Variants in RFTN1 observed in about 807,000 individuals in gnomAD.
RFTN1 encodes raftlin.
In RFTN1, 26 loss-of-function variants were observed where a neutral mutation model predicts 46.5. That is an observed-to-expected ratio of 0.56 (90% CI 0.41 to 0.78). The LOEUF (loss-of-function observed/expected upper bound fraction) is 0.78. RFTN1 is among the 30% of genes least tolerant of loss of function. The pLI, the probability that RFTN1 is intolerant of heterozygous loss-of-function variation, is 0.00. For synonymous variants in RFTN1, 261 were observed against 284.2 expected, an observed-to-expected ratio of 0.92 and a Z score of 0.82; for missense variants, 693 against 718.7, an observed-to-expected ratio of 0.96 and a Z score of 0.41.
rs1397851168 is a variant in RFTN1, at chr3:16,452,637, C to A, written c.146-18600G>T. Among the ~76,000 whole-genome samples, 1 of 152,130 alleles carries A rather than the reference C, an allele frequency of 6.6e-6. No individual in the cohort carries two copies. Among genetic ancestry groups the A allele is most frequent in the Non-Finnish European group, 1.5e-5 (1 of 68,026 alleles). The stretch of plus-strand genomic sequence containing the variant: ...AAAATAATTCCCTGTTCCAACCAAC[C>A]TTTTTGATTTACTGACCAATTATGG... On this transcript the variant is annotated intron_variant, in intron 2 of 9. Coordinates refer to ENST00000334133, the MANE Select transcript of RFTN1 (RefSeq NM_015150.2). The surrounding 1 kb of genome is among the most constrained non-coding windows in gnomAD (Gnocchi z 6.3).
chr3:16,494,616 A>G (rs954403923), intron 1 of RFTN1, among the ~76,000 whole-genome samples: 7 of 152,238 alleles, frequency 4.6e-5, no homozygotes, highest in Admixed American at 4.6e-4. Flanking sequence ...CCAGTTTGAA[A>G]AGAAAATAAA....
In RFTN1 at chr3:16,384,494, G is replaced by A. The variant is rs761919654; in HGVS notation, c.442-6392C>T. 1.1e-4 allele frequency among the ~76,000 whole-genome samples: 16 copies of A among 152,162 alleles called. No individual in the cohort carries two copies. The highest frequency in any genetic ancestry group is 2.4e-4 in the Non-Finnish European group (16 of 68,030). On this transcript the variant is annotated intron_variant, in intron 4 of 9. Transcript: ENST00000334133. This position sits in a 1 kb window ranked among gnomAD's most constrained non-coding sequence, Gnocchi z 4.7. The stretch of plus-strand genomic sequence containing the variant: ...TACGTGAGAGGCTGAAGTGTGGCAG[G>A]GAGGCTTTCAGCCATCACTGTTGCC...
intron 2 of RFTN1, among the ~76,000 whole-genome samples, chr3:16,445,373 C>T (rs2075706586): frequency 6.6e-6 from 1 of 151,466 alleles, no homozygotes; most frequent in Non-Finnish European, 1.5e-5. Context: ...GGATGAGTCC[C>T]CCTCCCTCAT....
intron 4 of RFTN1, among the ~76,000 whole-genome samples, chr3:16,398,993 A>G (rs1479748889): frequency 6.6e-6 from 1 of 152,242 alleles, no homozygotes; most frequent in African/African-American, 2.4e-5. Flanking sequence ...GGCTGTCCAC[A>G]GAGCTAACAA....
intron 1 of RFTN1, among the ~76,000 whole-genome samples, chr3:16,508,275 C>T (rs908102850): frequency 6.6e-6 from 1 of 152,186 alleles, no homozygotes; most frequent in African/African-American, 2.4e-5. Flanking sequence ...CCATCAATCC[C>T]TGCACCCCGG....
At chr3:16,495,390 A>G (rs1226232804) in intron 1 of RFTN1, among the ~76,000 whole-genome samples, 1 of 152,268 alleles carries the variant, frequency 6.6e-6, no homozygotes, top group African/African-American at 2.4e-5. Flanking sequence ...CAAAGAGCCC[A>G]AAGGCTCGCC....
At chr3:16,318,861 C>G (rs2068726155) in intron 9 of RFTN1, among the ~76,000 whole-genome samples, 1 of 152,204 alleles carries the variant, frequency 6.6e-6, no homozygotes, top group African/African-American at 2.4e-5. Context: ...GGAGCTTCTT[C>G]CACCCAAACT....
At chr3:16,406,683 A>C (rs2074865786) in intron 4 of RFTN1, among the ~76,000 whole-genome samples, 1 of 152,252 alleles carries the variant, frequency 6.6e-6, no homozygotes, top group East Asian at 1.9e-4. Flanking sequence ...TGTTGTCAAT[A>C]GGTTCTTGGA....
chr3:16,336,693 A>G lies in RFTN1; in HGVS notation c.1147-9817T>C, dbSNP rs766654435. ...TTTTTTTTAAAAAAGCTTAGTTCTT[A>G]GATGCAGAAAAGGGTCAGAGGAAAA... On this transcript the variant is annotated intron_variant, in intron 7 of 9. Coordinates refer to ENST00000334133, the MANE Select transcript of RFTN1 (RefSeq NM_015150.2). This position sits in a 1 kb window ranked among gnomAD's most constrained non-coding sequence, Gnocchi z 6.0. 1.3e-5 allele frequency among the ~76,000 whole-genome samples: 2 copies of G among 152,080 alleles called. No homozygotes were observed. The highest frequency in any genetic ancestry group is 2.9e-5 in the Non-Finnish European group (2 of 67,990).
Position 16,367,660 on chromosome 3 carries a change from G to T in RFTN1, c.1030+2416C>A, listed in dbSNP as rs9841085. Among the ~76,000 whole-genome samples, 1,425 of 147,964 alleles carry T rather than the reference G, an allele frequency of 9.6e-3. 18 individuals carry two copies. The highest frequency in any genetic ancestry group is 0.034 in the African/African-American group (1,356 of 40,136). Reference sequence around the variant, plus strand: ...TTTAATGTGGTTAAAGCCAAGGGAGGCTATAACAGTATTTCAAACACTCAA... The same window carrying T: ...TTTAATGTGGTTAAAGCCAAGGGAGTCTATAACAGTATTTCAAACACTCAA... On this transcript the variant is annotated intron_variant, in intron 6 of 9. Transcript: ENST00000334133.
intron 4 of RFTN1, among the ~76,000 whole-genome samples, chr3:16,395,107 A>G (rs1333608377): frequency 1.3e-5 from 2 of 152,276 alleles, no homozygotes; most frequent in Non-Finnish European, 2.9e-5. Context: ...TAAAATATGC[A>G]TGTGCAATTA....
intron 4 of RFTN1, among the ~76,000 whole-genome samples, chr3:16,408,185 C>T (rs142250829): frequency 7.2e-5 from 11 of 152,150 alleles, no homozygotes; most frequent in Non-Finnish European, 1.5e-4. Context: ...TACACTGTTC[C>T]CTGTTTGGAG....
intron 2 of RFTN1, chr3:16,471,993 G>A (rs191894968): frequency 6.6e-6 from 1 of 152,014 alleles, no homozygotes; most frequent in African/African-American, 2.4e-5. Flanking sequence ...CATATGGGGG[G>A]GTCTCGCTGC....
At position 16,422,621 on chromosome 3, in the gene RFTN1, C is replaced by T. The variant is rs1350611700; in HGVS notation, c.332+11230G>A. Among the ~76,000 whole-genome samples, 1 of 150,328 alleles carries T rather than the reference C, an allele frequency of 6.7e-6. No homozygotes were observed. The highest frequency in any genetic ancestry group is 2.5e-5 in the African/African-American group (1 of 40,806). On this transcript the variant is annotated intron_variant, in intron 3 of 9. Transcript: ENST00000334133. This position sits in a 1 kb window ranked among gnomAD's most constrained non-coding sequence, Gnocchi z 4.6. Reference sequence around the variant, plus strand: ...ACTCCAGCCTGGTGACAAAGCGAGACTCCGTCTAAAAAAAAAAAAGAATAG... The same window carrying T: ...ACTCCAGCCTGGTGACAAAGCGAGATTCCGTCTAAAAAAAAAAAAGAATAG...
intron 7 of RFTN1, among the ~76,000 whole-genome samples, chr3:16,340,597 C>T (rs1373069915): frequency 6.6e-6 from 1 of 152,234 alleles, no homozygotes; most frequent in Non-Finnish European, 1.5e-5. Flanking sequence ...CTGATAGAGA[C>T]TGAAAAACAA....
chr3:16,503,692 A>G (rs1189286782), intron 1 of RFTN1, among the ~76,000 whole-genome samples: 4 of 151,868 alleles, frequency 2.6e-5, no homozygotes, highest in African/African-American at 4.8e-5. Context: ...CACATCCCTC[A>G]ATCTCTTGAA....
rs975245968 is a variant in RFTN1, at chr3:16,380,006, G to A, written c.442-1904C>T. Among the ~76,000 whole-genome samples the A allele has an allele frequency of 2.0e-5, 3 of 152,174 alleles. No individual in the cohort carries two copies. Among genetic ancestry groups the A allele is most frequent in the African/African-American group, 7.2e-5 (3 of 41,454 alleles). ...TGAGGAGACACCTGCACTAGCTTCTGCTATTACTCTCTTACTGCAGAGGAA... is the reference window on the plus strand; with the variant it reads ...TGAGGAGACACCTGCACTAGCTTCTACTATTACTCTCTTACTGCAGAGGAA... On this transcript the variant is annotated intron_variant, in intron 4 of 9. Transcript: ENST00000334133. This position sits in a 1 kb window ranked among gnomAD's most constrained non-coding sequence, Gnocchi z 4.8.
rs1295146131 is a variant in RFTN1, at chr3:16,504,242, A to G, written c.-9+9200T>C. Among the ~76,000 whole-genome samples, 1 of 152,230 alleles carries G rather than the reference A, an allele frequency of 6.6e-6. No individual in the cohort carries two copies. Among genetic ancestry groups the G allele is most frequent in the Non-Finnish European group, 1.5e-5 (1 of 68,042 alleles). ...CAGAAAAATAGCACACATAAACTGA[A>G]AGAAGAAATATTTTTTCTTTCATTC... On this transcript the variant is annotated intron_variant, in intron 1 of 9. Transcript: ENST00000334133. This position sits in a 1 kb window ranked among gnomAD's most constrained non-coding sequence, Gnocchi z 4.4.
Position 16,381,869 on chromosome 3 carries a change from A to G in RFTN1, c.442-3767T>C, listed in dbSNP as rs1575186692. Among the ~76,000 whole-genome samples, 1 of 152,236 alleles carries G rather than the reference A, an allele frequency of 6.6e-6. No individual in the cohort carries two copies. The highest frequency in any genetic ancestry group is 2.1e-4 in the South Asian group (1 of 4,816). On this transcript the variant is annotated intron_variant, in intron 4 of 9. Transcript: ENST00000334133. This position sits in a 1 kb window ranked among gnomAD's most constrained non-coding sequence, Gnocchi z 4.2. ...CCATGCCCGCAAAGGCTCTCAGTTCACCCTGCAGGCCAGCATATCCGACTC... is the reference window on the plus strand; with the variant it reads ...CCATGCCCGCAAAGGCTCTCAGTTCGCCCTGCAGGCCAGCATATCCGACTC...
Sources: allele counts gnomAD v4.1 joint callset (sites outside exome capture counted in the v4.1 genomes callset), GRCh38; gene constraint gnomAD v4.1.1; non-coding constraint Gnocchi (gnomAD v3.1); transcripts MANE v1.5; gene names NCBI Gene and HGNC (gene_info 2026-07-23, HGNC 2026-07-21).